Variants in WDR11 observed in about 807,000 individuals in gnomAD.
WDR11 encodes WD repeat-containing protein 11.
A neutral mutation model predicts 151.2 loss-of-function variants in WDR11; 83 were observed. That is an observed-to-expected ratio of 0.55 (90% CI 0.46 to 0.66). WDR11 has a LOEUF of 0.66. WDR11 is among the 30% of genes least tolerant of loss of function. The probability of loss-of-function intolerance (pLI) is 0.00; values close to 1 mark genes in which losing one functional copy is unlikely to be tolerated. For missense variants in WDR11, 1,301 were observed against 1,480.9 expected, an observed-to-expected ratio of 0.88 and a Z score of 1.99; for synonymous variants, 484 against 533.1, an observed-to-expected ratio of 0.91 and a Z score of 1.27.
chr10:120,899,778 G>A, intron 19 of WDR11: 1 of 491,416 alleles, frequency 2.0e-6, no homozygotes, highest in Middle Eastern at 5.7e-4. Context: ...GCGAGGCTTT[G>A]TCTCAAAAAA....
intron 19 of WDR11, among the ~76,000 whole-genome samples, chr10:120,899,462 A>G (rs889419942): frequency 1.3e-5 from 2 of 152,182 alleles, no homozygotes; most frequent in Admixed American, 1.3e-4. Flanking sequence ...CCAGAGTTGT[A>G]TACCACACAG....
At chr10:120,851,531 G>T (rs1275855798) in intron 1 of WDR11, 25 bp downstream of exon 1, 2 of 1,599,080 alleles carry the variant, frequency 1.3e-6, no homozygotes, top group Non-Finnish European at 8.5e-7. Context: ...CTTCCAGGTC[G>T]CCAGGATCGG....
In WDR11 at chr10:120,852,602, A is replaced by C. The variant is rs767281316; in HGVS notation, c.165A>C (p.Gln55His). Residue 55 changes from glutamine to histidine, a missense_variant, in exon 2 of 29, where the codon CAA becomes CAC. Around this residue, in one of 3 missense-constraint regions of WDR11, gnomAD observed 692 missense variants for 762.5 expected, o/e 0.91. Transcript: ENST00000263461. The stretch of plus-strand genomic sequence containing the variant: ...ATTCCATTACTGCCCAAACTCTTCA[A>C]GTTTTAGAAAAGCATAAAGCTGATG... ...VIDSITAQTL[Q>H]VLEKHKADVV... is the part of the protein sequence containing the mutation. 1.2e-6 allele frequency: 2 copies of C among 1,614,030 alleles called. No homozygotes were observed. Among genetic ancestry groups the C allele is most frequent in the Non-Finnish European group, 1.7e-6 (2 of 1,179,972 alleles).
chr10:120,856,876 A>G (rs1334986196), intron 2 of WDR11, among the ~76,000 whole-genome samples: 2 of 152,166 alleles, frequency 1.3e-5, no homozygotes, highest in Non-Finnish European at 2.9e-5. Flanking sequence ...AAGTTGTTGT[A>G]TACACTGAAT....
rs980716871 is a variant in WDR11, at chr10:120,904,878, G to C, written c.3193+67G>C. The C allele has an allele frequency of 4.5e-6, 7 of 1,547,568 alleles. No homozygotes were observed. The African/African-American group carries it at 9.5e-5, about 21-fold the overall frequency. On this transcript the variant is annotated intron_variant, in intron 25 of 28. Coordinates refer to ENST00000263461, the MANE Select transcript of WDR11 (RefSeq NM_018117.12). ...AGACCTTGTTCCCAGCAAAGTATCTGATTAGTAGGGACATTTCTTTCTCTT... is the reference window on the plus strand; with the variant it reads ...AGACCTTGTTCCCAGCAAAGTATCTCATTAGTAGGGACATTTCTTTCTCTT...
At chr10:120,904,943 T>C (rs1255992224) in intron 25 of WDR11, 132 bp downstream of exon 25, 1 of 1,043,514 alleles carries the variant, frequency 9.6e-7, no homozygotes, top group East Asian at 2.5e-5. Flanking sequence ...TATTGCTACC[T>C]ATAAATCAGA....
At position 120,862,769 on chromosome 10, in the gene WDR11, C is replaced by T; in HGVS notation, c.561C>T (p.Asp187=). Residue 187 remains aspartate (D), a synonymous_variant, in exon 5 of 29, where the codon GAC becomes GAT. Coordinates refer to ENST00000263461, the MANE Select transcript of WDR11 (RefSeq NM_018117.12). ...LTSEGIVFIS[D]FSPSKPPSGP... ...GCGAGGGTATTGTTTTCATCTCAGA[C>T]TTCTCCCCATCCAAGCCTCCCTCAG... The T allele has an allele frequency of 1.2e-6, 2 of 1,614,180 alleles. No homozygotes were observed. The highest frequency in any genetic ancestry group is 1.6e-4 in the Middle Eastern group (1 of 6,062).
chr10:120,891,026 A>G, intron 19 of WDR11, 139 bp downstream of exon 19: 1 of 913,278 alleles, frequency 1.1e-6, no homozygotes, highest in Non-Finnish European at 1.7e-6. Context: ...AAATATATTA[A>G]CTTGAAGCTT....
intron 12 of WDR11, chr10:120,880,612 T>C: frequency 2.0e-6 from 1 of 490,206 alleles, no homozygotes; most frequent in East Asian, 3.8e-5. Context: ...TGAGCCAAGA[T>C]TGCGCCATTG....
intron 21 of WDR11, among the ~76,000 whole-genome samples, chr10:120,901,656 T>G (rs1012469720): frequency 6.6e-6 from 1 of 152,236 alleles, no homozygotes; most frequent in Non-Finnish European, 1.5e-5. Flanking sequence ...CTGTTACATA[T>G]AATTATAGTA....
chr10:120,852,419 A>T, intron 1 of WDR11, 105 bp from the exon 2 acceptor site: 1 of 896,572 alleles, frequency 1.1e-6, no homozygotes, highest in Non-Finnish European at 1.8e-6. Context: ...TGATTTTATT[A>T]ATGGTGGTAC....
chr10:120,891,257 G>A (rs1485144099), intron 19 of WDR11, among the ~76,000 whole-genome samples: 1 of 152,144 alleles, frequency 6.6e-6, no homozygotes, highest in Non-Finnish European at 1.5e-5. Context: ...ATGGCCTTAT[G>A]TCTTTTGCAA....
chr10:120,885,708 A>G (rs1184872173), intron 14 of WDR11, 106 bp from the exon 15 acceptor site: 1 of 1,388,156 alleles, frequency 7.2e-7, no homozygotes, highest in Non-Finnish European at 1.0e-6. Flanking sequence ...CATGTGTAGT[A>G]ATAATAAATG....
intron 14 of WDR11, chr10:120,885,129 A>G (rs1847171703): frequency 6.6e-6 from 1 of 152,292 alleles, no homozygotes; most frequent in Non-Finnish European, 1.5e-5. Context: ...TCATGATGTG[A>G]GTTTGGAGAC....
chr10:120,862,205 A>G (rs1205834397), intron 4 of WDR11, among the ~76,000 whole-genome samples: 2 of 150,610 alleles, frequency 1.3e-5, no homozygotes, highest in Non-Finnish European at 3.0e-5. Flanking sequence ...CAGTGGCACT[A>G]TCTCGGCTCA....
rs1024130533 is a variant in WDR11, at chr10:120,862,146, GTTTTT to G, written c.527-581_527-577del. ...TTGTTTGTTTTTTGTTTTTGTTTTT[GTTTTT>G]TTTTTTTGAGATGGAATCTTGCTCT... On this transcript the variant is annotated intron_variant, in intron 4 of 28. Transcript: ENST00000263461. 2.5e-4 allele frequency among the ~76,000 whole-genome samples: 37 copies of G among 146,394 alleles called. No individual in the cohort carries two copies. The South Asian group carries it at 5.4e-3, about 21-fold the overall frequency.
At chr10:120,905,267 C>T (rs1027180834) in intron 25 of WDR11, 52 bp from the exon 26 acceptor site, 1 of 1,579,794 alleles carries the variant, frequency 6.3e-7, no homozygotes, top group South Asian at 1.1e-5. Flanking sequence ...TTAATGACTT[C>T]TCAAAGAAGG....
Position 120,885,955 on chromosome 10 carries a change from C to A in WDR11, c.1973+17C>A. 5 of 1,612,620 alleles carry A rather than the reference C, an allele frequency of 3.1e-6. No homozygotes were observed. Among genetic ancestry groups the A allele is most frequent in the Non-Finnish European group, 4.2e-6 (5 of 1,179,334 alleles). On this transcript the variant is annotated intron_variant, in intron 15 of 28. Coordinates refer to ENST00000263461, the MANE Select transcript of WDR11 (RefSeq NM_018117.12). ...TGTGATCAGGTACAGTACAGTGTTT[C>A]TTGACACTGTCATTTGTGCCATTAG...
intron 2 of WDR11, among the ~76,000 whole-genome samples, chr10:120,854,974 C>T (rs1297655091): frequency 2.0e-5 from 3 of 152,100 alleles, no homozygotes; most frequent in Non-Finnish European, 2.9e-5. Context: ...ATATATTGTG[C>T]TTTTTCTCAT....
Sources: allele counts gnomAD v4.1 joint callset (sites outside exome capture counted in the v4.1 genomes callset), GRCh38; gene constraint gnomAD v4.1.1; regional missense constraint gnomAD v4.1.1; transcripts MANE v1.5; gene names NCBI Gene and HGNC (gene_info 2026-07-23, HGNC 2026-07-21).